PACRG: variants seen among roughly 807,000 people sequenced by gnomAD.
The protein encoded by PACRG is parkin coregulated gene protein.
A neutral mutation model predicts 29.7 loss-of-function variants in PACRG; 29 were observed. That is an observed-to-expected ratio of 0.98 (90% CI 0.73 to 1.33). PACRG has a LOEUF of 1.33. PACRG is among the 40% of genes most tolerant of loss of function. The pLI is 0.00. For synonymous variants in PACRG, 116 were observed against 118.7 expected (o/e 0.98, Z 0.15); for missense variants, 279 against 316.2 (o/e 0.88, Z 0.89).
Position 162,995,415 on chromosome 6 carries a change from A to C in PACRG, c.292-66735A>C, listed in dbSNP as rs141674930. Among the ~76,000 whole-genome samples, 1,344 of 151,404 alleles carry C rather than the reference A, an allele frequency of 8.9e-3. 12 individuals carry two copies. The highest frequency in any genetic ancestry group is 0.023 in the African/African-American group (957 of 41,138). On this transcript the variant is annotated intron_variant, in intron 2 of 4. Coordinates refer to ENST00000366888, the MANE Select transcript of PACRG (RefSeq NM_001080379.2). ...GAGATTCCATGGGCGTAGGACCCTC[A>C]GAGCCAGGTGTGGGATATAGTCTCG...
chr6:162,876,459 C>G (rs183645488), intron 2 of PACRG, among the ~76,000 whole-genome samples: 150 of 152,286 alleles, frequency 9.8e-4, no homozygotes, highest in Non-Finnish European at 1.2e-3. Flanking sequence ...TCTCTAATTA[C>G]CAGTGATGAT....
At chr6:162,901,026 T>C (rs1291523867) in intron 2 of PACRG, among the ~76,000 whole-genome samples, 1 of 152,226 alleles carries the variant, frequency 6.6e-6, no homozygotes, top group African/African-American at 2.4e-5. Context: ...AGTATTATAG[T>C]CTCATTAATT....
chr6:163,081,574 T>C (rs1039984715), intron 3 of PACRG, among the ~76,000 whole-genome samples: 1 of 152,114 alleles, frequency 6.6e-6, no homozygotes, highest in Non-Finnish European at 1.5e-5. Flanking sequence ...TTCGGCAACA[T>C]AGTGAGACCC....
chr6:162,842,046 G>A (rs1320844842), intron 2 of PACRG, among the ~76,000 whole-genome samples: 2 of 150,544 alleles, frequency 1.3e-5, no homozygotes, highest in African/African-American at 4.9e-5. Context: ...TAGGTGTGGT[G>A]TGGTGCTGAA....
intron 2 of PACRG, among the ~76,000 whole-genome samples, chr6:162,868,628 AGCCTAGG>A (rs1792517541): frequency 6.6e-6 from 1 of 152,078 alleles, no homozygotes; most frequent in African/African-American, 2.4e-5. Context: ...CCCTACTCAC[AGCCTAGG>A]GCGCACCCGA....
chr6:162,894,259 A>G (rs1794995905), intron 2 of PACRG, among the ~76,000 whole-genome samples: 1 of 152,224 alleles, frequency 6.6e-6, no homozygotes, highest in Non-Finnish European at 1.5e-5. Flanking sequence ...TTAATCCAAC[A>G]AGTATTTCTT....
At chr6:163,104,133 T>C (rs1381647096) in intron 4 of PACRG, among the ~76,000 whole-genome samples, 2 of 152,282 alleles carry the variant, frequency 1.3e-5, no homozygotes, top group African/African-American at 2.4e-5. Flanking sequence ...CAAATTCTTA[T>C]GCATTATGAA....
intron 2 of PACRG, among the ~76,000 whole-genome samples, chr6:162,828,599 A>T (rs1788479062): frequency 6.6e-6 from 1 of 152,214 alleles, no homozygotes; most frequent in African/African-American, 2.4e-5. Context: ...AGACTGATAA[A>T]TGGTAATAGT....
intron 2 of PACRG, among the ~76,000 whole-genome samples, chr6:162,886,618 A>G (rs1794355436): frequency 6.6e-6 from 1 of 151,912 alleles, no homozygotes; most frequent in Non-Finnish European, 1.5e-5. Context: ...GAGTGAAGGA[A>G]TTTTTTTTAC....
intron 2 of PACRG, among the ~76,000 whole-genome samples, chr6:163,014,954 T>G (rs533374687): frequency 6.6e-6 from 1 of 152,316 alleles, no homozygotes; most frequent in African/African-American, 2.4e-5. Context: ...TTTCCTACAT[T>G]TTCTTCTAGG....
chr6:162,890,955 C>T (rs55917195), intron 2 of PACRG, among the ~76,000 whole-genome samples: 25,460 of 152,082 alleles, frequency 0.17, 2,210 homozygotes, highest in Middle Eastern at 0.2. Flanking sequence ...GCTCCCTGAC[C>T]GGGCCATCAG....
rs561961579 is a variant in PACRG, at chr6:162,939,038, A to G, written c.292-123112A>G. On this transcript the variant is annotated intron_variant, in intron 2 of 4. Transcript: ENST00000366888. Reference sequence around the variant, plus strand: ...ACCAGTTAGGCAATAGTCACCAAGCAGCATGGTACTGGTATAAAAATGGGC... The same window carrying G: ...ACCAGTTAGGCAATAGTCACCAAGCGGCATGGTACTGGTATAAAAATGGGC... Among the ~76,000 whole-genome samples the G allele has an allele frequency of 2.1e-4, 32 of 152,284 alleles. No individual in the cohort carries two copies. In the South Asian group the frequency reaches 5.2e-3, roughly 25 times the overall value.
chr6:162,747,686 C>G (rs924374751), intron 1 of PACRG, among the ~76,000 whole-genome samples: 1 of 151,054 alleles, frequency 6.6e-6, no homozygotes. Context: ...ATTGAGCGAG[C>G]CAGGATAGGA....
chr6:163,141,950 G>C (rs1044955404), intron 4 of PACRG, among the ~76,000 whole-genome samples: 1 of 152,060 alleles, frequency 6.6e-6, no homozygotes, highest in Admixed American at 6.5e-5. Context: ...ACCCAGTAGC[G>C]ATAGTCCTTT....
chr6:162,758,407 A>G (rs987330883), intron 1 of PACRG, among the ~76,000 whole-genome samples: 14 of 152,088 alleles, frequency 9.2e-5, no homozygotes, highest in Admixed American at 8.5e-4. Context: ...TTTCTTGACT[A>G]TAGCATATTT....
intron 4 of PACRG, among the ~76,000 whole-genome samples, chr6:163,288,328 C>T (rs1233584709): frequency 1.3e-5 from 2 of 152,146 alleles, no homozygotes; most frequent in Admixed American, 6.5e-5. Context: ...TAACCGAGGT[C>T]ATTAAAGGTA....
At chr6:163,185,906 C>T (rs1779897264) in intron 4 of PACRG, among the ~76,000 whole-genome samples, 1 of 152,150 alleles carries the variant, frequency 6.6e-6, no homozygotes, top group South Asian at 2.1e-4. Context: ...TCTCCTCTCC[C>T]ACTGCTGACC....
intron 4 of PACRG, among the ~76,000 whole-genome samples, chr6:163,121,816 C>T (rs1238448224): frequency 1.3e-5 from 2 of 151,964 alleles, no homozygotes; most frequent in Admixed American, 6.6e-5. Context: ...GTACCCGCCA[C>T]CATGCCTGGC....
chr6:163,193,540 C>G (rs1780312312), intron 4 of PACRG, among the ~76,000 whole-genome samples: 1 of 152,124 alleles, frequency 6.6e-6, no homozygotes, highest in Non-Finnish European at 1.5e-5. Context: ...TTTAAGAACC[C>G]AGTGCTATGT....
Sources: allele counts gnomAD v4.1 joint callset (sites outside exome capture counted in the v4.1 genomes callset), GRCh38; gene constraint gnomAD v4.1.1; transcripts MANE v1.5; gene names NCBI Gene and HGNC (gene_info 2026-07-23, HGNC 2026-07-21).